IARS1: variants seen among roughly 807,000 people sequenced by gnomAD.
The protein encoded by IARS1 is isoleucyl-tRNA synthetase 1, also known as isoleucine--tRNA ligase, cytoplasmic.
IARS1 carries 124 observed loss-of-function variants against 168.2 expected under a neutral mutation model. The ratio of observed to expected loss-of-function variants is 0.74; its 90% CI spans 0.64 to 0.86. IARS1 has a LOEUF of 0.86. Among genes scored for constraint, IARS1 ranks in the 40% least tolerant of loss-of-function variants. The pLI is 0.00. For synonymous variants in IARS1, 532 were observed against 529.4 expected, an observed-to-expected ratio of 1.00 and a Z score of -0.07; for missense variants, 1,452 against 1,515.8, an observed-to-expected ratio of 0.96 and a Z score of 0.70.
chr9:92,231,679 C>T (rs531461298), intron 30 of IARS1, among the ~76,000 whole-genome samples: 17 of 151,478 alleles, frequency 1.1e-4, no homozygotes, highest in African/African-American at 3.1e-4. Context: ...CTGCCTGCAT[C>T]GGCCTCCAAA....
rs757644415 is a variant in IARS1 at position 92,287,775 on chromosome 9, A to G, written c.396+16T>C. 1.2e-6 allele frequency: 2 copies of G among 1,604,128 alleles called. No individual in the cohort carries two copies. The highest frequency in any genetic ancestry group is 2.2e-5 in the South Asian group (2 of 89,514). ...CTACATTTGCTGTTCATTCTACTGA[A>G]AAAAACCCAACATACCTTCCACTCA... On this transcript the variant is annotated intron_variant, in intron 4 of 33. Coordinates refer to ENST00000443024, the MANE Select transcript of IARS1 (RefSeq NM_002161.6).
At chr9:92,278,587 A>G (rs897465816) in intron 7 of IARS1, among the ~76,000 whole-genome samples, 1 of 152,240 alleles carries the variant, frequency 6.6e-6, no homozygotes, top group Non-Finnish European at 1.5e-5. Context: ...TTTAAAAATA[A>G]CATTGACAAA....
intron 2 of IARS1, among the ~76,000 whole-genome samples, chr9:92,289,099 C>T (rs1483058863): frequency 6.1e-5 from 9 of 147,968 alleles, no homozygotes; most frequent in African/African-American, 1.8e-4. Flanking sequence ...CCCAGCTACT[C>T]GGGAGGCTGA....
rs768481350 is a variant in IARS1, at chr9:92,289,361, T to G, written c.59A>C (p.Glu20Ala). 8.1e-6 allele frequency: 13 copies of G among 1,597,276 alleles called. No homozygotes were observed. Among genetic ancestry groups the G allele is most frequent in the Non-Finnish European group, 1.1e-5 (13 of 1,166,190 alleles). ...NFPAEEEKIL[E>A]FWTEFNCFQE... ...AAAACAATTAAATTCAGTCCAAAACTCCAAGATTTTCTCTTCTTCAGCAGG... is the reference window on the plus strand; with the variant it reads ...AAAACAATTAAATTCAGTCCAAAACGCCAAGATTTTCTCTTCTTCAGCAGG... The change falls in exon 2 of 34, where the codon GAG becomes GCG. Residue 20 changes from glutamate to alanine, a missense_variant. Coordinates refer to ENST00000443024, the MANE Select transcript of IARS1 (RefSeq NM_002161.6).
intron 5 of IARS1, 21 bp from the exon 6 acceptor site, chr9:92,285,860 A>G: frequency 1.5e-6 from 2 of 1,319,896 alleles, no homozygotes; most frequent in Middle Eastern, 1.9e-4. Flanking sequence ...ATGGAGTTTC[A>G]CAATTACAGA....
At position 92,271,680 on chromosome 9, in the gene IARS1, A is replaced by C. The variant is rs374175481; in HGVS notation, c.991-25T>G. On this transcript the variant is annotated intron_variant, in intron 10 of 33. Coordinates refer to ENST00000443024, the MANE Select transcript of IARS1 (RefSeq NM_002161.6). ...CCTGAGAAAAGGCAAAAGAGAGGGAAGAATAAAACAGTCTATGTATGGGTG... is the reference window on the plus strand; with the variant it reads ...CCTGAGAAAAGGCAAAAGAGAGGGACGAATAAAACAGTCTATGTATGGGTG... The C allele has an allele frequency of 3.0e-5, 49 of 1,613,132 alleles. No individual in the cohort carries two copies. In the African/African-American group the frequency reaches 4.1e-4, roughly 14 times the overall value.
At chr9:92,243,886 G>A (rs1276691170) in intron 27 of IARS1, among the ~76,000 whole-genome samples, 1 of 152,176 alleles carries the variant, frequency 6.6e-6, no homozygotes, top group Non-Finnish European at 1.5e-5. Flanking sequence ...TCTGAAGGTT[G>A]CTGATTATGA....
At chr9:92,252,025 G>C in intron 21 of IARS1, 140 bp from the exon 22 acceptor site, 5 of 674,516 alleles carry the variant, frequency 7.4e-6, no homozygotes, top group Non-Finnish European at 1.3e-5. Context: ...AGGAGAAAGG[G>C]CCACGACCAC....
chr9:92,266,499 C>T (rs1832303617), intron 14 of IARS1, among the ~76,000 whole-genome samples: 1 of 152,316 alleles, frequency 6.6e-6, no homozygotes. Flanking sequence ...CTGCAGGCAA[C>T]TGTAACACAA....
chr9:92,222,871 GA>G (rs75315457), intron 32 of IARS1, among the ~76,000 whole-genome samples, 199 bp from the exon 33 acceptor site: 255 of 139,942 alleles, frequency 1.8e-3, no homozygotes, highest in Admixed American at 5.0e-3. Context: ...AGGGGAAAAA[GA>G]AAAAAAAAAA....
intron 7 of IARS1, among the ~76,000 whole-genome samples, chr9:92,278,685 T>C (rs147509192): frequency 2.1e-3 from 313 of 152,314 alleles, no homozygotes; most frequent in African/African-American, 6.1e-3. Flanking sequence ...TCTATGTATA[T>C]ACAAACAAAC....
intron 9 of IARS1, among the ~76,000 whole-genome samples, chr9:92,274,954 G>A (rs1234568827): frequency 6.6e-6 from 1 of 152,112 alleles, no homozygotes; most frequent in African/African-American, 2.4e-5. Context: ...CAGTCATAAA[G>A]GCAAATCTTG....
intron 30 of IARS1, among the ~76,000 whole-genome samples, chr9:92,231,517 GAT>G (rs1032157368): frequency 6.7e-5 from 10 of 150,080 alleles, no homozygotes; most frequent in African/African-American, 2.2e-4. Context: ...GGGTTCAAGT[GAT>G]TCTCCTACTT....
chr9:92,229,240 C>T lies in IARS1; in HGVS notation c.3284-114G>A, dbSNP rs557838806. On this transcript the variant is annotated intron_variant, in intron 30 of 33. Coordinates refer to ENST00000443024, the MANE Select transcript of IARS1 (RefSeq NM_002161.6). ...TCAAGCCCTAATATTTTTCCTTTTC[C>T]CCCAACTATACACTATATATATGTG... is the stretch of plus-strand genomic sequence containing the variant. The T allele has an allele frequency of 3.2e-4, 309 of 961,028 alleles. No homozygotes were observed. In the African/African-American group the frequency reaches 4.3e-3, roughly 14 times the overall value. 59.5% of individuals were successfully genotyped at this position (961,028 alleles called of 1,614,324 possible).
chr9:92,251,926 TA>T, intron 21 of IARS1, 41 bp from the exon 22 acceptor site: 2 of 1,349,692 alleles, frequency 1.5e-6, no homozygotes, highest in Non-Finnish European at 2.1e-6. Context: ...AACTGTTAAA[TA>T]AGTGTTTATC....
At chr9:92,289,181 T>G (rs1195964741) in intron 2 of IARS1, 120 bp downstream of exon 2, 2 of 517,706 alleles carry the variant, frequency 3.9e-6, no homozygotes, top group East Asian at 6.6e-5. Flanking sequence ...CCCTCCAGCC[T>G]GGATGACAGT....
intron 10 of IARS1, among the ~76,000 whole-genome samples, chr9:92,273,119 G>A (rs1238720786): frequency 2.8e-5 from 4 of 141,230 alleles, no homozygotes; most frequent in African/African-American, 8.1e-5. Flanking sequence ...GTGACAGAGC[G>A]AGACTCCCAT....
intron 7 of IARS1, 75 bp from the exon 8 acceptor site, chr9:92,278,361 T>A: frequency 9.9e-7 from 1 of 1,009,250 alleles, no homozygotes; most frequent in South Asian, 1.3e-5. Flanking sequence ...GCATCAAGCA[T>A]ACTTTTGTCC....
intron 13 of IARS1, 95 bp from the exon 14 acceptor site, chr9:92,268,395 G>T: frequency 3.2e-6 from 4 of 1,254,642 alleles, no homozygotes; most frequent in Non-Finnish European, 4.5e-6. Flanking sequence ...AACGCTTTGT[G>T]GACCAAACAC....
Sources: gnomAD v4.1 joint callset for allele counts (sites outside exome capture counted in the v4.1 genomes callset) on GRCh38, gnomAD v4.1.1 for gene constraint, MANE v1.5 for transcripts, NCBI Gene and HGNC (gene_info 2026-07-23, HGNC 2026-07-21) for gene names.